The following SMIM31 variants were observed in gnomAD, a reference collection of about 807,000 sequenced individuals.
SMIM31 encodes the protein human epithelial cell program regulator.
chr4:164,797,298 A>G (rs1011067256), intron 2 of SMIM31, among the ~76,000 whole-genome samples: 18 of 152,010 alleles, frequency 1.2e-4, no homozygotes, highest in Non-Finnish European at 2.1e-4. Context: ...TTTATTGTCT[A>G]TCTCTGTCTG....
chr4:164,792,363 G>T (rs1029650380), intron 2 of SMIM31, among the ~76,000 whole-genome samples: 1 of 152,024 alleles, frequency 6.6e-6, no homozygotes, highest in African/African-American at 2.4e-5. Context: ...GCAATATTTT[G>T]GCAAATTTCT....
intron 2 of SMIM31, among the ~76,000 whole-genome samples, chr4:164,788,987 T>C (rs961109583): frequency 3.3e-5 from 5 of 152,136 alleles, no homozygotes; most frequent in African/African-American, 4.8e-5. Context: ...TTCTGAGACA[T>C]TAATGGAACT....
Position 164,754,397 on chromosome 4 carries a change from A to G in SMIM31, c.-40A>G, listed in dbSNP as rs1279882586. ...GGTTCCTTCCTAGCCACTCTCAGGG[A>G]CAGGAATGCTTCTGGTAAGTTTTTA... On this transcript the variant is annotated 5_prime_UTR_variant, in exon 1 of 3. Transcript: ENST00000507311. 1 of 151,828 alleles carries G rather than the reference A, an allele frequency of 6.6e-6. No individual in the cohort carries two copies. Among genetic ancestry groups the G allele is most frequent in the Non-Finnish European group, 1.5e-5 (1 of 68,008 alleles). 9.4% of individuals were successfully genotyped at this position (151,828 alleles called of 1,614,324 possible). A position where few individuals can be genotyped will look rare whatever the true frequency, so the allele number is the denominator to read the frequency against.
Position 164,770,464 on chromosome 4 carries a change from C to T in SMIM31, c.21C>T (p.Asn7=), listed in dbSNP as rs1209921630. 2.5e-6 allele frequency: 1 copy of T among 398,922 alleles called. No homozygotes were observed. Among genetic ancestry groups the T allele is most frequent in the Non-Finnish European group, 4.4e-6 (1 of 226,072 alleles). 24.7% of individuals were successfully genotyped at this position (398,922 alleles called of 1,614,324 possible). The change falls in exon 2 of 3, where the codon AAC becomes AAT. Residue 7 remains asparagine (N), a synonymous_variant. Coordinates refer to ENST00000507311, the MANE Select transcript of SMIM31 (RefSeq NM_001352885.1). ...GGTTCATGGAGCTTCCCTACACCAA[C>T]TTGGAAATGGCATTCATTTTATTGG... is the stretch of plus-strand genomic sequence containing the variant. MELPYT[N]LEMAFILLAF...
intron 2 of SMIM31, among the ~76,000 whole-genome samples, chr4:164,775,722 T>C (rs773781881): frequency 6.6e-6 from 1 of 152,184 alleles, no homozygotes; most frequent in Non-Finnish European, 1.5e-5. Context: ...AGTTGCTTAG[T>C]AGGATTACAG....
chr4:164,781,336 T>C (rs1263642234), intron 2 of SMIM31, among the ~76,000 whole-genome samples: 1 of 152,148 alleles, frequency 6.6e-6, no homozygotes, highest in Non-Finnish European at 1.5e-5. Context: ...CTCAAGAACA[T>C]TTACACAAAT....
intron 2 of SMIM31, among the ~76,000 whole-genome samples, chr4:164,780,398 G>A (rs1021784563): frequency 6.6e-6 from 1 of 152,224 alleles, no homozygotes; most frequent in Non-Finnish European, 1.5e-5. Context: ...CTGCACTCCA[G>A]CCTGGGTGAC....
intron 2 of SMIM31, among the ~76,000 whole-genome samples, chr4:164,785,799 C>T (rs997025802): frequency 2.0e-5 from 3 of 151,558 alleles, no homozygotes; most frequent in Non-Finnish European, 4.4e-5. Context: ...AAAAGGAAAC[C>T]TATTTTTTGA....
chr4:164,792,372 C>T (rs1382848602), intron 2 of SMIM31, among the ~76,000 whole-genome samples: 1 of 152,118 alleles, frequency 6.6e-6, no homozygotes, highest in Non-Finnish European at 1.5e-5. Context: ...TGGCAAATTT[C>T]TCCACCCTTT....
intron 2 of SMIM31, among the ~76,000 whole-genome samples, chr4:164,788,472 A>ATTTTTTTTTTTTTTTTTTTTTTTTTTTT (rs1187569698): frequency 3.3e-5 from 2 of 60,506 alleles, no homozygotes; most frequent in Non-Finnish European, 3.6e-5. Context: ...CTTTCTTCTA[A>ATTTTTTTTTTTTTTTTTTTTTTTTTTTT]TTTTTCTTTT....
chr4:164,784,687 G>C (rs1163015033), intron 2 of SMIM31, among the ~76,000 whole-genome samples: 1 of 152,096 alleles, frequency 6.6e-6, no homozygotes, highest in Non-Finnish European at 1.5e-5. Context: ...TGGGAATCCT[G>C]GGTCCTACTT....
chr4:164,774,191 A>C (rs932531916), intron 2 of SMIM31, among the ~76,000 whole-genome samples: 1 of 150,548 alleles, frequency 6.6e-6, no homozygotes, highest in Non-Finnish European at 1.5e-5. Context: ...AAAAAGGTTC[A>C]TCATCATGAA....
chr4:164,758,181 T>C (rs572482190), intron 1 of SMIM31, among the ~76,000 whole-genome samples: 3 of 152,124 alleles, frequency 2.0e-5, no homozygotes, highest in Non-Finnish European at 4.4e-5. Context: ...ATTTTACAAT[T>C]ATTGAGGCCA....
chr4:164,771,336 A>G (rs1242175671), intron 2 of SMIM31, among the ~76,000 whole-genome samples: 1 of 152,220 alleles, frequency 6.6e-6, no homozygotes, highest in East Asian at 1.9e-4. Flanking sequence ...GGGTTTGGCT[A>G]AAAGAAAGAG....
chr4:164,780,284 A>T (rs751378111), intron 2 of SMIM31, among the ~76,000 whole-genome samples: 5 of 152,144 alleles, frequency 3.3e-5, no homozygotes, highest in Non-Finnish European at 4.4e-5. Flanking sequence ...AAAATTAGCC[A>T]GGCGTGGTGG....
chr4:164,801,927 T>A lies in SMIM31; in HGVS notation c.*733T>A, dbSNP rs28490380. 0.082 allele frequency: 12,216 copies of A among 149,700 alleles called. 555 individuals carry two copies. Among genetic ancestry groups the A allele is most frequent in the African/African-American group, 0.1 (4,286 of 40,910 alleles). 9.3% of individuals were successfully genotyped at this position (149,700 alleles called of 1,614,324 possible). On this transcript the variant is annotated 3_prime_UTR_variant, in exon 3 of 3. Transcript: ENST00000507311. ...GTTGAAAGTTTTCTGTTATTTATAT[T>A]TTTTTTTTTTTAATTTGAGAGAGAG...
In SMIM31 at chr4:164,755,297, C is replaced by T. The variant is rs548043406; in HGVS notation, c.-26+886C>T. 1.1e-3 allele frequency among the ~76,000 whole-genome samples: 167 copies of T among 151,066 alleles called. 1 individual carries two copies. Among genetic ancestry groups the T allele is most frequent in the African/African-American group, 3.8e-3 (155 of 41,134 alleles). Reference sequence around the variant, plus strand: ...GAGTTTAAGACCAGCCTGGCCAAAACGGTGAAACCCTGTCTCTACTAAAAA... The same window carrying T: ...GAGTTTAAGACCAGCCTGGCCAAAATGGTGAAACCCTGTCTCTACTAAAAA... On this transcript the variant is annotated intron_variant, in intron 1 of 2. Transcript: ENST00000507311.
At position 164,755,501 on chromosome 4, in the gene SMIM31, A is replaced by AAAGGAGGGGG. The variant is rs1460619344; in HGVS notation, c.-26+1091_-26+1100dup. On this transcript the variant is annotated intron_variant, in intron 1 of 2. Transcript: ENST00000507311. Reference sequence around the variant, plus strand: ...TCTCAAACAGAAAGGAAAGGAGAGGAAAGGAGGGGGGAGGAGAGGGGAAGG... The same window carrying AAAGGAGGGGG: ...TCTCAAACAGAAAGGAAAGGAGAGGAAAGGAGGGGGAAGGAGGGGGGAGGAGAGGGGAAGG... Among the ~76,000 whole-genome samples the AAAGGAGGGGG allele has an allele frequency of 2.2e-3, 249 of 113,382 alleles. 3 individuals are homozygous for AAAGGAGGGGG. The highest frequency in any genetic ancestry group is 7.9e-3 in the African/African-American group (230 of 29,168). The allele number at this position is 113,382 out of a possible 152,430, so 74.4% of individuals were successfully genotyped here.
At chr4:164,757,258 C>A (rs1379887016) in intron 1 of SMIM31, among the ~76,000 whole-genome samples, 2 of 152,056 alleles carry the variant, frequency 1.3e-5, no homozygotes, top group East Asian at 3.8e-4. Context: ...TTTTTTAAAA[C>A]TTGGATTGTC....
Sources: allele counts gnomAD v4.1 joint callset (sites outside exome capture counted in the v4.1 genomes callset), GRCh38; gene constraint gnomAD v4.1.1; transcripts MANE v1.5; gene names NCBI Gene and HGNC (gene_info 2026-07-23, HGNC 2026-07-21).